The following JMJD1C variants were observed in gnomAD, a reference collection of about 807,000 sequenced individuals.
JMJD1C encodes the protein jumonji domain containing 1C.
Under a neutral mutation model 245.3 loss-of-function variants are expected in JMJD1C, and 31 were observed. That is an observed-to-expected ratio of 0.13 (90% CI 0.09 to 0.17). JMJD1C has a LOEUF of 0.17. Ranked by LOEUF, JMJD1C falls within the 10% of genes least tolerant of loss-of-function variation. The pLI is 1.00. For missense variants in JMJD1C, 2,691 were observed against 3,000.2 expected (o/e 0.90, Z 2.41); for synonymous variants, 1,057 against 1,017.4 (o/e 1.04, Z -0.74).
At chr10:63,221,234 A>G (rs777848302) in intron 3 of JMJD1C, among the ~76,000 whole-genome samples, 14 of 152,228 alleles carry the variant, frequency 9.2e-5, no homozygotes, top group Non-Finnish European at 1.5e-4. Flanking sequence ...AGGTAGCTGA[A>G]GTGTAAAAAA....
At chr10:63,490,665 C>G (rs957520289) in intron 1 of JMJD1C, among the ~76,000 whole-genome samples, 1 of 152,104 alleles carries the variant, frequency 6.6e-6, no homozygotes, top group Admixed American at 6.5e-5. Flanking sequence ...CCACCCACCT[C>G]GGCTTCCCAA....
At chr10:63,265,889 TTC>T (rs1019930375) in intron 2 of JMJD1C, among the ~76,000 whole-genome samples, 4 of 152,100 alleles carry the variant, frequency 2.6e-5, no homozygotes, top group African/African-American at 7.2e-5. Context: ...CTTTCTCTTA[TTC>T]TGTCTTAAAA....
intron 3 of JMJD1C, among the ~76,000 whole-genome samples, chr10:63,241,786 A>C (rs957904190): frequency 1.3e-5 from 2 of 152,206 alleles, no homozygotes; most frequent in Non-Finnish European, 2.9e-5. Context: ...ACAAGAAGGT[A>C]AGTTATAGGA....
chr10:63,383,963 G>A (rs1947402212), intron 1 of JMJD1C, among the ~76,000 whole-genome samples: 1 of 152,134 alleles, frequency 6.6e-6, no homozygotes. Context: ...CCTAGGGCAT[G>A]CAATATTGTT....
At chr10:63,333,040 CAG>C (rs1379692243) in intron 2 of JMJD1C, among the ~76,000 whole-genome samples, 2 of 152,064 alleles carry the variant, frequency 1.3e-5, no homozygotes, top group Non-Finnish European at 2.9e-5. Context: ...TTTTTAGCAA[CAG>C]AAATATTTCC....
chr10:63,358,480 G>C (rs1344072005), intron 2 of JMJD1C, among the ~76,000 whole-genome samples: 1 of 151,778 alleles, frequency 6.6e-6, no homozygotes, highest in Non-Finnish European at 1.5e-5. Flanking sequence ...AGGAGTTCTA[G>C]TCCAGCCTGG....
chr10:63,402,592 T>C (rs1374228566), intron 1 of JMJD1C, among the ~76,000 whole-genome samples: 2 of 152,204 alleles, frequency 1.3e-5, no homozygotes, highest in African/African-American at 2.4e-5. Flanking sequence ...TTCTGCACTT[T>C]AATTCCCTAT....
At chr10:63,359,220 G>C (rs1945119541) in intron 2 of JMJD1C, 1 of 152,144 alleles carries the variant, frequency 6.6e-6, no homozygotes, top group Non-Finnish European at 1.5e-5. Context: ...CCTAGCCATT[G>C]GTATAACTGG....
intron 2 of JMJD1C, among the ~76,000 whole-genome samples, chr10:63,299,357 A>ATTT (rs59878158): frequency 0.39 from 53,396 of 135,462 alleles, 11,199 homozygotes; most frequent in South Asian, 0.49. Flanking sequence ...TAATTTTTCC[A>ATTT]TTTTTTTTTT....
chr10:63,495,532 G>A (rs2133231582), intron 1 of JMJD1C, among the ~76,000 whole-genome samples: 1 of 152,256 alleles, frequency 6.6e-6, no homozygotes, highest in East Asian at 1.9e-4. Flanking sequence ...AGCACTTTGG[G>A]AAGCCGAGGC....
intron 1 of JMJD1C, among the ~76,000 whole-genome samples, chr10:63,457,540 G>C (rs1018275104): frequency 6.6e-6 from 1 of 151,972 alleles, no homozygotes; most frequent in Admixed American, 6.6e-5. Context: ...ACAACAAACA[G>C]TAAGCAAAGG....
upstream of JMJD1C, among the ~76,000 whole-genome samples, chr10:63,468,641 A>G (rs1953393148): frequency 6.6e-6 from 1 of 152,240 alleles, no homozygotes. Flanking sequence ...GAAGCTGAAA[A>G]TTAGACATAT....
At chr10:63,427,926 A>AAGC (rs927048827) in intron 1 of JMJD1C, 120 of 713,020 alleles carry the variant, frequency 1.7e-4, no homozygotes, top group Middle Eastern at 1.1e-3. Flanking sequence ...AGCCACCTAG[A>AAGC]AGCAGCAGCA....
intron 14 of JMJD1C, 92 bp from the exon 15 acceptor site, chr10:63,193,564 G>A: frequency 1.3e-6 from 1 of 757,688 alleles, no homozygotes; most frequent in Admixed American, 3.1e-5. Flanking sequence ...TTATAATTGG[G>A]AATAACGGAG....
Position 63,193,112 on chromosome 10 carries a change from G to C in JMJD1C, c.5902C>G (p.Leu1968Val), listed in dbSNP as rs1034862088. 1 of 1,613,822 alleles carries C rather than the reference G, an allele frequency of 6.2e-7. No homozygotes were observed. The highest frequency in any genetic ancestry group is 1.1e-5 in the South Asian group (1 of 91,080). The change falls in exon 16 of 26, where the codon CTG becomes GTG. Residue 1968 changes from leucine (L) to valine (V), a missense_variant. Physicochemically the swap from Leu to Val is conservative, Grantham distance 32. Coordinates refer to ENST00000399262, the MANE Select transcript of JMJD1C (RefSeq NM_032776.3). Reference protein sequence around the residue: ...NVLNHSNKISLCMPESQQQNT... With the variant: ...NVLNHSNKISVCMPESQQQNT... ...TGCTGCTGAGACTCAGGCATGCACA[G>C]AGAAATTTTATTACTGTGATTAAGA...
chr10:63,511,131 ATC>A (rs548178252), intron 1 of JMJD1C, among the ~76,000 whole-genome samples: 31 of 152,180 alleles, frequency 2.0e-4, no homozygotes, highest in Admixed American at 8.5e-4. Context: ...CACTCTACTA[ATC>A]TCTGTCTTTT....
chr10:63,234,514 A>C (rs1229144722), intron 3 of JMJD1C, among the ~76,000 whole-genome samples: 42 of 149,354 alleles, frequency 2.8e-4, no homozygotes, highest in African/African-American at 8.5e-4. Flanking sequence ...AAAAAAAAAA[A>C]AAAAAAACAC....
chr10:63,368,250 C>T (rs999171786), intron 2 of JMJD1C, among the ~76,000 whole-genome samples: 4 of 152,130 alleles, frequency 2.6e-5, no homozygotes, highest in African/African-American at 9.7e-5. Context: ...TATATACTGT[C>T]CTGGGAAATG....
intron 2 of JMJD1C, among the ~76,000 whole-genome samples, chr10:63,358,569 C>T (rs935221265): frequency 6.0e-5 from 9 of 151,152 alleles, no homozygotes; most frequent in Admixed American, 1.3e-4. Context: ...AGGGGAAAAA[C>T]GGAAAAAAGA....
Sources: allele counts gnomAD v4.1 joint callset (sites outside exome capture counted in the v4.1 genomes callset), GRCh38; gene constraint gnomAD v4.1.1; transcripts MANE v1.5; gene names NCBI Gene and HGNC (gene_info 2026-07-23, HGNC 2026-07-21).